The following ATRNL1 variants were observed in gnomAD, a reference collection of about 807,000 sequenced individuals.
ATRNL1 encodes attractin-like protein 1.
Under a neutral mutation model 182.7 loss-of-function variants are expected in ATRNL1, and 95 were observed. That is an observed-to-expected ratio of 0.52 (90% CI 0.44 to 0.62). The LOEUF is 0.62. Ranked by LOEUF, ATRNL1 falls within the 20% of genes least tolerant of loss-of-function variation. The probability of loss-of-function intolerance (pLI) is 0.00; values close to 1 mark genes in which losing one functional copy is unlikely to be tolerated. For missense variants in ATRNL1, 1,471 were observed against 1,679.5 expected, an observed-to-expected ratio of 0.88 and a Z score of 2.17; for synonymous variants, 576 against 568.3, an observed-to-expected ratio of 1.01 and a Z score of -0.19.
At chr10:115,836,904 C>G (rs757558119) in intron 27 of ATRNL1, among the ~76,000 whole-genome samples, 85 of 152,152 alleles carry the variant, frequency 5.6e-4, no homozygotes, top group Non-Finnish European at 1.0e-3. Context: ...AACACAGTGA[C>G]CCAGATGTGT....
At chr10:115,237,387 G>T (rs958272592) in intron 9 of ATRNL1, among the ~76,000 whole-genome samples, 2 of 152,118 alleles carry the variant, frequency 1.3e-5, no homozygotes, top group Admixed American at 6.6e-5. Context: ...GCTCTAGATC[G>T]TTGCCATCTT....
At chr10:115,127,469 T>C (rs1339825402) in intron 3 of ATRNL1, 124 bp from the exon 4 acceptor site, 1 of 680,022 alleles carries the variant, frequency 1.5e-6, no homozygotes, top group Non-Finnish European at 2.3e-6. Context: ...TATTCTCCTT[T>C]TAGTTGCCCA....
chr10:115,887,301 T>C lies in ATRNL1; in HGVS notation c.4018+39310T>C, dbSNP rs781827584. On this transcript the variant is annotated intron_variant, in intron 28 of 28. Coordinates refer to ENST00000355044, the MANE Select transcript of ATRNL1 (RefSeq NM_207303.4). ...TTTGGGAGCTGCTATTACAAAATATTACAAAATATCATAAACTGGGTAGCT... is the reference window on the plus strand; with the variant it reads ...TTTGGGAGCTGCTATTACAAAATATCACAAAATATCATAAACTGGGTAGCT... 8.0e-5 allele frequency among the ~76,000 whole-genome samples: 12 copies of C among 150,282 alleles called. No individual in the cohort carries two copies. The Middle Eastern group carries it at 0.021, about 259-fold the overall frequency.
chr10:115,648,420 C>T (rs1356560066), intron 26 of ATRNL1, among the ~76,000 whole-genome samples: 2 of 152,156 alleles, frequency 1.3e-5, no homozygotes, highest in Non-Finnish European at 2.9e-5. Context: ...CATCAAGCTA[C>T]CAATGACTGT....
chr10:115,434,806 A>G (rs913983672), intron 21 of ATRNL1, among the ~76,000 whole-genome samples: 3 of 152,144 alleles, frequency 2.0e-5, no homozygotes, highest in African/African-American at 7.2e-5. Context: ...AATAGTAAGA[A>G]ATTCCTACTT....
At chr10:115,378,169 A>C (rs1857783831) in intron 19 of ATRNL1, among the ~76,000 whole-genome samples, 1 of 152,130 alleles carries the variant, frequency 6.6e-6, no homozygotes, top group Admixed American at 6.5e-5. Flanking sequence ...GTTTACTAGC[A>C]CGTTCTTTGG....
At chr10:115,750,777 G>A (rs555697116) in intron 27 of ATRNL1, among the ~76,000 whole-genome samples, 8 of 152,044 alleles carry the variant, frequency 5.3e-5, no homozygotes, top group African/African-American at 1.7e-4. Context: ...AAGAAGACCA[G>A]CAACTCTATA....
At chr10:115,303,391 A>T (rs1853580505) in intron 17 of ATRNL1, among the ~76,000 whole-genome samples, 1 of 151,688 alleles carries the variant, frequency 6.6e-6, no homozygotes, top group African/African-American at 2.4e-5. Context: ...TGCCCAGCTA[A>T]TTTTTGTACT....
chr10:115,843,301 A>G (rs1950852706), intron 27 of ATRNL1, among the ~76,000 whole-genome samples: 1 of 152,118 alleles, frequency 6.6e-6, no homozygotes, highest in South Asian at 2.1e-4. Flanking sequence ...AAGTGAGCAT[A>G]GGGGATATAG....
intron 27 of ATRNL1, among the ~76,000 whole-genome samples, chr10:115,778,018 A>G (rs1233909566): frequency 1.3e-5 from 2 of 152,224 alleles, no homozygotes; most frequent in African/African-American, 2.4e-5. Context: ...ACAAAACACA[A>G]TTGAATAAAG....
chr10:115,546,760 G>A (rs1852681426), intron 25 of ATRNL1, among the ~76,000 whole-genome samples: 1 of 152,078 alleles, frequency 6.6e-6, no homozygotes, highest in South Asian at 2.1e-4. Flanking sequence ...CCTGTCAAGT[G>A]ATGAAACCCA....
intron 26 of ATRNL1, among the ~76,000 whole-genome samples, chr10:115,723,229 G>C (rs539520833): frequency 1.2e-4 from 18 of 152,298 alleles, no homozygotes; most frequent in African/African-American, 4.1e-4. Flanking sequence ...TTTGAAGGTG[G>C]AGGAGAGAAT....
chr10:115,293,484 A>C (rs1347051919), intron 15 of ATRNL1, among the ~76,000 whole-genome samples: 1 of 151,548 alleles, frequency 6.6e-6, no homozygotes, highest in African/African-American at 2.4e-5. Context: ...TTATTTTTGT[A>C]GTTACATGGC....
At chr10:115,188,415 T>C (rs1437413741) in intron 8 of ATRNL1, among the ~76,000 whole-genome samples, 1 of 152,134 alleles carries the variant, frequency 6.6e-6, no homozygotes, top group Non-Finnish European at 1.5e-5. Flanking sequence ...AGGGGAATTA[T>C]GTGGATGATT....
rs551908188 is a variant in ATRNL1 at position 115,780,223 on chromosome 10, C to G, written c.3903+52868C>G. ...TGCTCTGCCACAGGATACAGCAAAA[C>G]CAGGCTGAACTCAGCCAGCACGCAC... On this transcript the variant is annotated intron_variant, in intron 27 of 28. Coordinates refer to ENST00000355044, the MANE Select transcript of ATRNL1 (RefSeq NM_207303.4). 2.0e-5 allele frequency among the ~76,000 whole-genome samples: 3 copies of G among 152,260 alleles called. No homozygotes were observed. The East Asian group carries it at 5.8e-4, about 29-fold the overall frequency.
At chr10:115,915,092 T>G (rs1359301652) in intron 28 of ATRNL1, among the ~76,000 whole-genome samples, 3 of 152,208 alleles carry the variant, frequency 2.0e-5, no homozygotes, top group Non-Finnish European at 4.4e-5. Context: ...AATGTCTTGA[T>G]GATCAAAAAT....
chr10:115,109,268 T>C (rs1349885855), intron 1 of ATRNL1, among the ~76,000 whole-genome samples: 3 of 152,190 alleles, frequency 2.0e-5, no homozygotes, highest in African/African-American at 7.2e-5. Flanking sequence ...ATACCAGTTT[T>C]TTGTGTTATT....
intron 27 of ATRNL1, among the ~76,000 whole-genome samples, chr10:115,844,955 T>C (rs1555098338): frequency 6.6e-6 from 1 of 152,064 alleles, no homozygotes; most frequent in Non-Finnish European, 1.5e-5. Context: ...CATTATCATT[T>C]GTGGGGTTTT....
At chr10:115,163,283 T>C (rs1490820124) in intron 6 of ATRNL1, among the ~76,000 whole-genome samples, 1 of 151,948 alleles carries the variant, frequency 6.6e-6, no homozygotes. Context: ...TTAGCGTTTT[T>C]AGTTTTTGCT....
Sources: gnomAD v4.1 joint callset for allele counts (sites outside exome capture counted in the v4.1 genomes callset) on GRCh38, gnomAD v4.1.1 for gene constraint, MANE v1.5 for transcripts, NCBI Gene and HGNC (gene_info 2026-07-23, HGNC 2026-07-21) for gene names.